The following CAMTA1 variants were observed in gnomAD, a reference collection of about 807,000 sequenced individuals.
The protein encoded by CAMTA1 is calmodulin binding transcription activator 1, also known as calmodulin-binding transcription activator 1.
A neutral mutation model predicts 170.9 loss-of-function variants in CAMTA1; 27 were observed. That is an observed-to-expected ratio of 0.16 (90% CI 0.12 to 0.22). The LOEUF (loss-of-function observed/expected upper bound fraction) is 0.22, where lower values mean the gene tolerates loss of function less well. Among genes scored for constraint, CAMTA1 ranks in the 10% least tolerant of loss-of-function variants. CAMTA1 has a pLI of 1.00. For missense variants in CAMTA1, 1,619 were observed against 2,217.2 expected, an observed-to-expected ratio of 0.73 and a Z score of 5.42; for synonymous variants, 833 against 891.5, an observed-to-expected ratio of 0.93 and a Z score of 1.17.
chr1:7,124,712 A>T (rs1363477307), intron 4 of CAMTA1, among the ~76,000 whole-genome samples: 2 of 152,238 alleles, frequency 1.3e-5, no homozygotes, highest in East Asian at 3.9e-4. Flanking sequence ...CTCGTTCTTG[A>T]GTCCCCACGG....
intron 11 of CAMTA1, among the ~76,000 whole-genome samples, chr1:7,719,783 T>A (rs1408835606): frequency 2.0e-5 from 3 of 152,202 alleles, no homozygotes; most frequent in African/African-American, 7.2e-5. Context: ...TCATTTTCCC[T>A]GTCCTTCTGA....
In CAMTA1 at chr1:6,971,303, A is replaced by T. The variant is rs148076418; in HGVS notation, c.235-120001A>T. Among the ~76,000 whole-genome samples the T allele has an allele frequency of 1.5e-4, 23 of 152,258 alleles. No homozygotes were observed. The highest frequency in any genetic ancestry group is 3.1e-4 in the Non-Finnish European group (21 of 68,024). On this transcript the variant is annotated intron_variant, in intron 3 of 22. Coordinates refer to ENST00000303635, the MANE Select transcript of CAMTA1 (RefSeq NM_015215.4). The surrounding 1 kb of genome is among the most constrained non-coding windows in gnomAD (Gnocchi z 4.6). Reference sequence around the variant, plus strand: ...AACGCCTCTTTTGCTGGAGTGTTGAACTTTCTTCTTTGTGGCAGCACGCTT... The same window carrying T: ...AACGCCTCTTTTGCTGGAGTGTTGATCTTTCTTCTTTGTGGCAGCACGCTT...
intron 5 of CAMTA1, among the ~76,000 whole-genome samples, chr1:7,342,245 G>A (rs955070424): frequency 6.6e-6 from 1 of 152,140 alleles, no homozygotes; most frequent in African/African-American, 2.4e-5. Context: ...CAGGCTCCAC[G>A]ACCTGTCCAG....
At chr1:6,937,794 A>AT (rs1685706706) in intron 3 of CAMTA1, among the ~76,000 whole-genome samples, 2 of 91,636 alleles carry the variant, frequency 2.2e-5, no homozygotes, top group Non-Finnish European at 5.1e-5. Context: ...CACCACCATC[A>AT]CCATCACCAT....
At chr1:7,709,404 T>C (rs2096552298) in intron 11 of CAMTA1, among the ~76,000 whole-genome samples, 1 of 152,204 alleles carries the variant, frequency 6.6e-6, no homozygotes, top group African/African-American at 2.4e-5. Flanking sequence ...CTCCGTGCCT[T>C]TGGTTCAGTC....
intron 3 of CAMTA1, among the ~76,000 whole-genome samples, chr1:7,011,788 G>T (rs1699849228): frequency 6.6e-6 from 1 of 152,222 alleles, no homozygotes; most frequent in Non-Finnish European, 1.5e-5. Context: ...CGCAGTGCCA[G>T]CTCAGAGGCT....
intron 1 of CAMTA1, among the ~76,000 whole-genome samples, chr1:6,805,012 CA>C (rs1182206365): frequency 6.6e-6 from 1 of 152,108 alleles, no homozygotes; most frequent in Non-Finnish European, 1.5e-5. Context: ...TTTATATGGA[CA>C]TATGTTTTCA....
rs1011660736 is a variant in CAMTA1, at chr1:7,094,276, T to C, written c.302+2905T>C. On this transcript the variant is annotated intron_variant, in intron 4 of 22. Coordinates refer to ENST00000303635, the MANE Select transcript of CAMTA1 (RefSeq NM_015215.4). ...TGGATCCCCACCCCCACCCCATCTC[T>C]AGTATTGAAATTAATTGGTGCAGTT... Among the ~76,000 whole-genome samples the C allele has an allele frequency of 7.3e-5, 9 of 123,294 alleles. 1 individual carries two copies. The East Asian group carries it at 2.5e-3, about 35-fold the overall frequency. The allele number at this position is 123,294 out of a possible 152,430, so 80.9% of individuals were successfully genotyped here.
At chr1:7,111,899 A>T (rs973262155) in intron 4 of CAMTA1, among the ~76,000 whole-genome samples, 29 of 151,104 alleles carry the variant, frequency 1.9e-4, no homozygotes, top group African/African-American at 4.9e-4. Flanking sequence ...AAAAAAAAAA[A>T]AAAAAAAAAA....
intron 5 of CAMTA1, among the ~76,000 whole-genome samples, chr1:7,449,666 A>C (rs766708618): frequency 8.2e-5 from 12 of 147,114 alleles, no homozygotes; most frequent in Admixed American, 2.1e-4. Context: ...GCTACTTGGG[A>C]GGCTGGGGCA....
chr1:7,048,103 G>A (rs1238408526), intron 3 of CAMTA1, among the ~76,000 whole-genome samples: 1 of 152,136 alleles, frequency 6.6e-6, no homozygotes, highest in African/African-American at 2.4e-5. Context: ...AGGGGAGGGG[G>A]GTGGTCATGG....
chr1:6,884,746 A>C lies in CAMTA1; in HGVS notation c.234+59536A>C, dbSNP rs886600978. ...TGCCTTATGTGTTGAAGGAATAATT[A>C]CTTGTTCATTTTGTAGTGCTAAAAT... On this transcript the variant is annotated intron_variant, in intron 3 of 22. Transcript: ENST00000303635. Among the ~76,000 whole-genome samples, 43 of 152,308 alleles carry C rather than the reference A, an allele frequency of 2.8e-4. 1 individual carries two copies. The highest frequency in any genetic ancestry group is 6.8e-3 in the Middle Eastern group (2 of 292).
chr1:6,798,584 A>ATTTTT (rs548325478), intron 1 of CAMTA1, among the ~76,000 whole-genome samples: 1 of 117,612 alleles, frequency 8.5e-6, no homozygotes, highest in Non-Finnish European at 1.8e-5. Context: ...CACCTGGCTA[A>ATTTTT]TTTTTTTTTT....
intron 3 of CAMTA1, among the ~76,000 whole-genome samples, chr1:6,936,987 A>T (rs556663996): frequency 1.4e-5 from 2 of 146,386 alleles, no homozygotes; most frequent in South Asian, 2.2e-4. Context: ...GACTCTGTTT[A>T]AAAAAAAAGA....
intron 5 of CAMTA1, among the ~76,000 whole-genome samples, chr1:7,276,303 A>ATATATATATTTTTT: frequency 5.0e-4 from 12 of 24,222 alleles, no homozygotes; most frequent in South Asian, 4.8e-3. Context: ...ATATATATAT[A>ATATATATATTTTTT]TTTTTTTTTT....
At chr1:7,147,359 G>T (rs1401600771) in intron 4 of CAMTA1, among the ~76,000 whole-genome samples, 4 of 150,790 alleles carry the variant, frequency 2.7e-5, no homozygotes, top group African/African-American at 9.8e-5. Context: ...GGGAGGTGGA[G>T]CTTGCAGTGA....
intron 4 of CAMTA1, among the ~76,000 whole-genome samples, chr1:7,246,528 G>T (rs2149286768): frequency 6.6e-6 from 1 of 152,114 alleles, no homozygotes; most frequent in African/African-American, 2.4e-5. Context: ...TGGGGAGGGG[G>T]GCTATCTTTT....
At chr1:7,535,092 A>G (rs897674879) in intron 6 of CAMTA1, among the ~76,000 whole-genome samples, 2 of 148,672 alleles carry the variant, frequency 1.3e-5, no homozygotes, top group Non-Finnish European at 3.0e-5. Flanking sequence ...CCAGCCACCC[A>G]CAGGCCGTTG....
At chr1:6,935,232 G>T (rs1343745249) in intron 3 of CAMTA1, among the ~76,000 whole-genome samples, 2 of 152,218 alleles carry the variant, frequency 1.3e-5, no homozygotes, top group South Asian at 2.1e-4. Context: ...AAACCAATCA[G>T]CTGTGAGCTC....
Sources: gnomAD v4.1 joint callset for allele counts (sites outside exome capture counted in the v4.1 genomes callset) on GRCh38, gnomAD v4.1.1 for gene constraint, Gnocchi (gnomAD v3.1) non-coding constraint, MANE v1.5 for transcripts, NCBI Gene and HGNC (gene_info 2026-07-23, HGNC 2026-07-21) for gene names.